LARGE1: variants seen among roughly 807,000 people sequenced by gnomAD.
LARGE1 encodes the protein LARGE xylosyl- and glucuronyltransferase 1.
LARGE1 carries 43 observed loss-of-function variants against 87.6 expected under a neutral mutation model. The ratio of observed to expected loss-of-function variants is 0.49; its 90% CI spans 0.38 to 0.63. The LOEUF is 0.63. Ranked by LOEUF, LARGE1 falls within the 30% of genes least tolerant of loss-of-function variation. LARGE1 has a pLI of 0.00. For missense variants in LARGE1, 802 were observed against 1,000.2 expected (o/e 0.80, Z 2.67); for synonymous variants, 434 against 394.6 (o/e 1.10, Z -1.18).
intron 2 of LARGE1, among the ~76,000 whole-genome samples, chr22:33,711,880 T>C (rs965632812): frequency 6.6e-6 from 1 of 152,142 alleles, no homozygotes; most frequent in Non-Finnish European, 1.5e-5. Flanking sequence ...AGGTCACTCT[T>C]GAACTCCCGG....
chr22:33,158,367 C>A (rs186260634), downstream of LARGE1, among the ~76,000 whole-genome samples: 90 of 152,162 alleles, frequency 5.9e-4, no homozygotes, highest in Middle Eastern at 0.014. Context: ...AATAAATGAA[C>A]GACTAACAAA....
chr22:33,610,219 A>G (rs992136703), intron 4 of LARGE1, among the ~76,000 whole-genome samples: 2 of 152,222 alleles, frequency 1.3e-5, no homozygotes, highest in Admixed American at 1.3e-4. Flanking sequence ...TGGGTAACAT[A>G]CAGGGGCTAA....
At chr22:33,212,740 G>A (rs1183061364) in intron 11 of LARGE1, among the ~76,000 whole-genome samples, 2 of 152,170 alleles carry the variant, frequency 1.3e-5, no homozygotes, top group African/African-American at 2.4e-5. Context: ...TTTGTGGGCC[G>A]GGTGCGGTAG....
chr22:33,596,959 G>T (rs745654460), intron 5 of LARGE1, among the ~76,000 whole-genome samples: 2 of 152,222 alleles, frequency 1.3e-5, no homozygotes, highest in Non-Finnish European at 2.9e-5. Flanking sequence ...GGGGGATTCA[G>T]AAGGCCACAC....
At chr22:33,513,812 TACACACACACACACAC>T (rs56262022) in intron 6 of LARGE1, among the ~76,000 whole-genome samples, 1 of 143,180 alleles carries the variant, frequency 7.0e-6, no homozygotes, top group Non-Finnish European at 1.5e-5. Flanking sequence ...AGAGCTGATG[TACACACACACACACAC>T]ACACACACAC....
At chr22:33,514,318 T>C (rs1357645484) in intron 6 of LARGE1, among the ~76,000 whole-genome samples, 1 of 151,762 alleles carries the variant, frequency 6.6e-6, no homozygotes, top group Non-Finnish European at 1.5e-5. Flanking sequence ...TGATGCACAG[T>C]TATGCCTGCA....
At chr22:33,124,356 A>AGAAGGAAGGAAGGAAAGAAGGAAG in the LARGE1 span, among the ~76,000 whole-genome samples, 4 of 69,058 alleles carry the variant, frequency 5.8e-5, no homozygotes, top group African/African-American at 6.7e-5. Flanking sequence ...AAGAAAGGAA[A>AGAAGGAAGGAAGGAAAGAAGGAAG]GAAGGAAGGA....
intron 1 of LARGE1, among the ~76,000 whole-genome samples, chr22:33,885,744 GAT>G (rs1276409170): frequency 4.6e-5 from 7 of 152,072 alleles, no homozygotes; most frequent in Admixed American, 4.6e-4. Flanking sequence ...GATCATAAAA[GAT>G]GTGGCCGGGC....
At chr22:33,753,540 G>T (rs537209817) in intron 2 of LARGE1, among the ~76,000 whole-genome samples, 534 of 151,424 alleles carry the variant, frequency 3.5e-3, no homozygotes, top group Non-Finnish European at 6.0e-3. Context: ...TAAATGTATG[G>T]TTTTTTTTTA....
chr22:33,828,059 G>C (rs2062851156), intron 1 of LARGE1, among the ~76,000 whole-genome samples: 1 of 152,234 alleles, frequency 6.6e-6, no homozygotes, highest in Admixed American at 6.5e-5. Flanking sequence ...GAGAAGAAAT[G>C]AGATGGCGGA....
intron 12 of LARGE1, 90 bp downstream of exon 12, chr22:33,304,139 T>C: frequency 7.0e-7 from 1 of 1,438,656 alleles, no homozygotes; most frequent in Non-Finnish European, 9.7e-7. Flanking sequence ...CCTGTTGGAC[T>C]AGATGATGAC....
chr22:33,078,623 G>A, the LARGE1 span, among the ~76,000 whole-genome samples: 1 of 152,180 alleles, frequency 6.6e-6, no homozygotes, highest in African/African-American at 2.4e-5. Flanking sequence ...TCACTATATT[G>A]TATTGCCCTC....
chr22:33,248,622 T>C (rs866606217), intron 11 of LARGE1, among the ~76,000 whole-genome samples: 1 of 152,232 alleles, frequency 6.6e-6, no homozygotes, highest in Non-Finnish European at 1.5e-5. Context: ...TGGTCCATTC[T>C]GTGGGTCTGG....
chr22:33,882,038 T>TTTG (rs1200572840), intron 1 of LARGE1, among the ~76,000 whole-genome samples: 4 of 148,558 alleles, frequency 2.7e-5, no homozygotes, highest in Non-Finnish European at 4.4e-5. Flanking sequence ...TGTTTTTGTT[T>TTTG]TTTTTTGTTT....
At chr22:33,104,167 C>T in the LARGE1 span, among the ~76,000 whole-genome samples, 1 of 152,182 alleles carries the variant, frequency 6.6e-6, no homozygotes, top group Non-Finnish European at 1.5e-5. Context: ...TGAGACCCTG[C>T]AAACAGAACC....
rs573117393 is a variant in LARGE1, at chr22:33,534,125, C to A, written c.787+30723G>T. Among the ~76,000 whole-genome samples the A allele has an allele frequency of 2.0e-5, 3 of 152,108 alleles. No individual in the cohort carries two copies. The East Asian group carries it at 5.8e-4, about 29-fold the overall frequency. The stretch of plus-strand genomic sequence containing the variant: ...CTTCACTAAAGAGGGATGAAGTCAG[C>A]CGGGCGTGGTGGCTCACGCCTGTAA... On this transcript the variant is annotated intron_variant, in intron 6 of 14. Coordinates refer to ENST00000397394, the MANE Select transcript of LARGE1 (RefSeq NM_133642.5).
At chr22:33,646,499 T>C (rs958304167) in intron 3 of LARGE1, among the ~76,000 whole-genome samples, 4 of 122,000 alleles carry the variant, frequency 3.3e-5, no homozygotes, top group African/African-American at 1.3e-4. Context: ...GCATAAAACC[T>C]AGATGATGGT....
At chr22:33,203,685 C>T (rs1315167470) in intron 11 of LARGE1, among the ~76,000 whole-genome samples, 1 of 152,162 alleles carries the variant, frequency 6.6e-6, no homozygotes, top group Non-Finnish European at 1.5e-5. Flanking sequence ...TGGATTTCCC[C>T]AGCAACTCAA....
chr22:33,852,884 G>T, intron 1 of LARGE1, among the ~76,000 whole-genome samples: 1 of 50,010 alleles, frequency 2.0e-5, no homozygotes, highest in Admixed American at 3.3e-4. Flanking sequence ...AAAAAAGAAA[G>T]AAAGAAAGAA....
Sources: gnomAD v4.1 joint callset for allele counts (sites outside exome capture counted in the v4.1 genomes callset) on GRCh38, gnomAD v4.1.1 for gene constraint, MANE v1.5 for transcripts, NCBI Gene and HGNC (gene_info 2026-07-23, HGNC 2026-07-21) for gene names.